FEM1B: variants seen among roughly 807,000 people sequenced by gnomAD.
The protein encoded by FEM1B is protein fem-1 homolog B.
In FEM1B, 10 loss-of-function variants were observed where a neutral mutation model predicts 38.6. The observed-to-expected ratio is 0.26, with a 90% CI of 0.16 to 0.44. The LOEUF (loss-of-function observed/expected upper bound fraction) is 0.44, where lower values mean the gene tolerates loss of function less well. Among genes scored for constraint, FEM1B ranks in the 20% least tolerant of loss-of-function variants. The pLI is 1.00. For synonymous variants in FEM1B, 288 were observed against 288.0 expected (o/e 1.00, Z 0.00); for missense variants, 471 against 786.7 (o/e 0.60, Z 4.80).
chr15:68,294,985 T>G lies in FEM1B; in HGVS notation c.*3743T>G, dbSNP rs1453860474. ...TATGTGTTTATCACATTGCAGGGCTTTCTTATGTATTTCTGGCAGACTTGC... is the reference window on the plus strand; with the variant it reads ...TATGTGTTTATCACATTGCAGGGCTGTCTTATGTATTTCTGGCAGACTTGC... On this transcript the variant is annotated 3_prime_UTR_variant, in exon 2 of 2. Transcript: ENST00000306917. This position sits in a 1 kb window ranked among gnomAD's most constrained non-coding sequence, Gnocchi z 4.4. The G allele has an allele frequency of 6.6e-6, 1 of 152,214 alleles. No individual in the cohort carries two copies. Among genetic ancestry groups the G allele is most frequent in the Non-Finnish European group, 1.5e-5 (1 of 68,034 alleles). The allele number at this position is 152,214 out of a possible 1,614,324, so 9.4% of individuals were successfully genotyped here.
rs556593620 is a variant in FEM1B, at chr15:68,288,109, C to T, written c.249-1498C>T. ...CCTCCCAAAGTACTGAGATGATAGG[C>T]GTGAGCCACCATGCCAGGCCTAACG... On this transcript the variant is annotated intron_variant, in intron 1 of 1. Transcript: ENST00000306917. The surrounding 1 kb of genome is among the most constrained non-coding windows in gnomAD (Gnocchi z 4.6). Among the ~76,000 whole-genome samples, 7 of 152,324 alleles carry T rather than the reference C, an allele frequency of 4.6e-5. No individual in the cohort carries two copies. The highest frequency in any genetic ancestry group is 1.7e-4 in the African/African-American group (7 of 41,572).
At position 68,293,305 on chromosome 15, in the gene FEM1B, A is replaced by G. The variant is rs1274887791; in HGVS notation, c.*2063A>G. 1.3e-5 allele frequency: 2 copies of G among 152,210 alleles called. No individual in the cohort carries two copies. The highest frequency in any genetic ancestry group is 2.9e-5 in the Non-Finnish European group (2 of 68,020). The allele number at this position is 152,210 out of a possible 1,614,324, so 9.4% of individuals were successfully genotyped here. The stretch of plus-strand genomic sequence containing the variant: ...ATTCAGTTGGTTCCATTATTAATGT[A>G]TATTATTTTTATTTAAACATCAAAA... On this transcript the variant is annotated 3_prime_UTR_variant, in exon 2 of 2. Coordinates refer to ENST00000306917, the MANE Select transcript of FEM1B (RefSeq NM_015322.5). The surrounding 1 kb of genome is among the most constrained non-coding windows in gnomAD (Gnocchi z 5.8).
At position 68,294,209 on chromosome 15, in the gene FEM1B, A is replaced by G. The variant is rs1892878635; in HGVS notation, c.*2967A>G. 6.6e-6 allele frequency: 1 copy of G among 151,962 alleles called. No homozygotes were observed. Among genetic ancestry groups the G allele is most frequent in the Non-Finnish European group, 1.5e-5 (1 of 68,026 alleles). 9.4% of individuals were successfully genotyped at this position (151,962 alleles called of 1,614,324 possible). On this transcript the variant is annotated 3_prime_UTR_variant, in exon 2 of 2. Transcript: ENST00000306917. This position sits in a 1 kb window ranked among gnomAD's most constrained non-coding sequence, Gnocchi z 4.4. ...TTACATTAGAACTGACACTGAAAACATAGCTTTTTCAGTCCACCCTGGTTG... is the reference window on the plus strand; with the variant it reads ...TTACATTAGAACTGACACTGAAAACGTAGCTTTTTCAGTCCACCCTGGTTG...
Position 68,290,058 on chromosome 15 carries a change from G to A in FEM1B, c.700G>A (p.Val234Ile). ...KVAAESCKAD[V>I]VELLLSHADC... ...AGCTGCCGAAAGCTGTAAAGCTGAT[G>A]TCGTAGAACTGTTACTCTCTCATGC... is the stretch of plus-strand genomic sequence containing the variant. Residue 234 changes from valine (V) to isoleucine (I), a missense_variant, in exon 2 of 2, where the codon GTC becomes ATC. This residue lies in a region of FEM1B where 380 missense variants were observed against 599.6 expected (regional missense o/e 0.63). Transcript: ENST00000306917. This position sits in a 1 kb window ranked among gnomAD's most constrained non-coding sequence, Gnocchi z 9.7. 6.2e-7 allele frequency: 1 copy of A among 1,614,236 alleles called. No homozygotes were observed. Among genetic ancestry groups the A allele is most frequent in the South Asian group, 1.1e-5 (1 of 91,088 alleles).
In FEM1B at chr15:68,290,244, C is replaced by T; in HGVS notation, c.886C>T (p.Leu296Phe). ...TGATAACATTCTCGAAAAAGAGGTT[C>T]TTCCACCAATCCATGCTTATGGGAA... The part of the protein sequence containing the change: ...DGDNILEKEV[L>F]PPIHAYGNRT... The change falls in exon 2 of 2, where the codon CTT becomes TTT. Residue 296 changes from leucine to phenylalanine, a missense_variant. Physicochemically the swap from Leu to Phe is conservative, Grantham distance 22 (BLOSUM62 0). This residue lies in a region of FEM1B where 380 missense variants were observed against 599.6 expected (regional missense o/e 0.63). Coordinates refer to ENST00000306917, the MANE Select transcript of FEM1B (RefSeq NM_015322.5). This position sits in a 1 kb window ranked among gnomAD's most constrained non-coding sequence, Gnocchi z 9.7. 1.2e-6 allele frequency: 2 copies of T among 1,614,092 alleles called. No individual in the cohort carries two copies. Among genetic ancestry groups the T allele is most frequent in the Non-Finnish European group, 1.7e-6 (2 of 1,180,030 alleles).
At chr15:68,287,830 C>CTTTTTT (rs71455589) in intron 1 of FEM1B, among the ~76,000 whole-genome samples, 2 of 114,678 alleles carry the variant, frequency 1.7e-5, no homozygotes, top group Non-Finnish European at 1.8e-5. Context: ...GCTAACGTCT[C>CTTTTTT]TTTTTTTTTT....
intron 1 of FEM1B, among the ~76,000 whole-genome samples, chr15:68,283,359 A>G (rs1892748194): frequency 6.6e-6 from 1 of 151,980 alleles, no homozygotes; most frequent in South Asian, 2.1e-4. Flanking sequence ...CTGGCATATA[A>G]TAATTATATG....
At chr15:68,282,223 T>C (rs980323932) in intron 1 of FEM1B, among the ~76,000 whole-genome samples, 24 of 151,872 alleles carry the variant, frequency 1.6e-4, no homozygotes, top group Non-Finnish European at 7.4e-5. Context: ...ATGGGGAGAA[T>C]AGGACCTCCG....
Position 68,278,555 on chromosome 15 carries a change from C to T in FEM1B, c.138C>T (p.Arg46=), listed in dbSNP as rs764711464. Residue 46 remains arginine (R), a synonymous_variant, in exon 1 of 2, where the codon CGC becomes CGT. Transcript: ENST00000306917. The surrounding 1 kb of genome is among the most constrained non-coding windows in gnomAD (Gnocchi z 5.7). The stretch of plus-strand genomic sequence containing the variant: ...ATGTCAGCCAGCAGGGAGGGCAGCG[C>T]TCCACGCCCCTCATCATCGCAGCCC... ...LGYVSQQGGQ[R]STPLIIAARN... is the part of the protein sequence containing the mutation. The T allele has an allele frequency of 5.0e-6, 8 of 1,614,036 alleles. No individual in the cohort carries two copies. The African/African-American group carries it at 5.3e-5, about 11-fold the overall frequency.
rs1406014524 is a variant in FEM1B at position 68,284,079 on chromosome 15, T to A, written c.248+5414T>A. 1.3e-5 allele frequency among the ~76,000 whole-genome samples: 2 copies of A among 152,022 alleles called. No homozygotes were observed. The highest frequency in any genetic ancestry group is 6.6e-5 in the Admixed American group (1 of 15,250). On this transcript the variant is annotated intron_variant, in intron 1 of 1. Coordinates refer to ENST00000306917, the MANE Select transcript of FEM1B (RefSeq NM_015322.5). The surrounding 1 kb of genome is among the most constrained non-coding windows in gnomAD (Gnocchi z 4.4). Reference sequence around the variant, plus strand: ...TTTGTATTTTTAGTAGAGATGGGGTTTTTCCGTGTTGGTCAGGCTGGTCTT... The same window carrying A: ...TTTGTATTTTTAGTAGAGATGGGGTATTTCCGTGTTGGTCAGGCTGGTCTT...
rs1162404310 is a variant in FEM1B at position 68,278,907 on chromosome 15, C to A, written c.248+242C>A. On this transcript the variant is annotated intron_variant, in intron 1 of 1. Coordinates refer to ENST00000306917, the MANE Select transcript of FEM1B (RefSeq NM_015322.5). This position sits in a 1 kb window ranked among gnomAD's most constrained non-coding sequence, Gnocchi z 5.7. ...TCCCTCTGTGGGAAGATAACCACAC[C>A]CTCGGCCTTGAAATCTAATAGTCGT... is the stretch of plus-strand genomic sequence containing the variant. 6.6e-6 allele frequency among the ~76,000 whole-genome samples: 1 copy of A among 152,128 alleles called. No homozygotes were observed. Among genetic ancestry groups the A allele is most frequent in the Non-Finnish European group, 1.5e-5 (1 of 68,014 alleles).
At chr15:68,286,877 C>T (rs557412210) in intron 1 of FEM1B, among the ~76,000 whole-genome samples, 77 of 152,280 alleles carry the variant, frequency 5.1e-4, no homozygotes, top group African/African-American at 1.8e-3. Flanking sequence ...GATGTAGTGT[C>T]TTATTTTCTT....
At chr15:68,283,776 G>A (rs7174848) in intron 1 of FEM1B, among the ~76,000 whole-genome samples, 1,684 of 151,958 alleles carry the variant, frequency 0.011, 40 homozygotes, top group African/African-American at 0.039. Flanking sequence ...GTTTGGAAAC[G>A]TTCTTTAAAT....
Position 68,293,897 on chromosome 15 carries a change from T to C in FEM1B, c.*2655T>C, listed in dbSNP as rs1226475248. ...GGCTGTCTCCATTTTGCAGCCACTT[T>C]GGTCATTTGATGTTTACTATTGGTA... On this transcript the variant is annotated 3_prime_UTR_variant, in exon 2 of 2. Transcript: ENST00000306917. This position sits in a 1 kb window ranked among gnomAD's most constrained non-coding sequence, Gnocchi z 5.8. 1.3e-5 allele frequency: 2 copies of C among 152,178 alleles called. No homozygotes were observed. The highest frequency in any genetic ancestry group is 3.8e-4 in the East Asian group (2 of 5,202). The allele number at this position is 152,178 out of a possible 1,614,324, so 9.4% of individuals were successfully genotyped here.
At chr15:68,286,365 CAGTT>C (rs1301681900) in intron 1 of FEM1B, among the ~76,000 whole-genome samples, 2 of 151,740 alleles carry the variant, frequency 1.3e-5, no homozygotes, top group Admixed American at 6.6e-5. Context: ...ATTGGCCTGT[CAGTT>C]CTTTCTTTCT....
intron 1 of FEM1B, among the ~76,000 whole-genome samples, chr15:68,282,262 G>T (rs1276368687): frequency 6.9e-6 from 1 of 145,528 alleles, no homozygotes; most frequent in Non-Finnish European, 1.5e-5. Context: ...GTTGAGTGTT[G>T]TTCTTTTAAA....
In FEM1B at chr15:68,290,061, G is replaced by A. The variant is rs1362394606; in HGVS notation, c.703G>A (p.Val235Ile). Residue 235 changes from valine to isoleucine, a missense_variant, in exon 2 of 2, where the codon GTA becomes ATA. Around this residue, in one of 3 missense-constraint regions of FEM1B, gnomAD observed 380 missense variants for 599.6 expected, o/e 0.63. Transcript: ENST00000306917. The surrounding 1 kb of genome is among the most constrained non-coding windows in gnomAD (Gnocchi z 9.7). ...VAAESCKADVVELLLSHADCD... is the reference protein window; with the variant it reads ...VAAESCKADVIELLLSHADCD... ...TGCCGAAAGCTGTAAAGCTGATGTC[G>A]TAGAACTGTTACTCTCTCATGCTGA... The A allele has an allele frequency of 2.5e-6, 4 of 1,614,214 alleles. No individual in the cohort carries two copies. The highest frequency in any genetic ancestry group is 3.4e-6 in the Non-Finnish European group (4 of 1,180,030).
At chr15:68,287,402 C>T (rs551926593) in intron 1 of FEM1B, among the ~76,000 whole-genome samples, 1 of 152,264 alleles carries the variant, frequency 6.6e-6, no homozygotes, top group Admixed American at 6.5e-5. Flanking sequence ...TTTCCAGTAC[C>T]TTCAAGTCTC....
chr15:68,289,799 C>G lies in FEM1B; in HGVS notation c.441C>G (p.Ile147Met), dbSNP rs1421950274. ...ACTTGGTTGAAAATAATGCCAACAT[C>G]AGCATTGCCAACAAATATGACAACA... ...VKYLVENNAN[I>M]SIANKYDNTC... The change falls in exon 2 of 2, where the codon ATC becomes ATG. Residue 147 changes from isoleucine (I) to methionine (M), a missense_variant. Ile to Met is a conservative substitution (Grantham distance 10). Transcript: ENST00000306917. The surrounding 1 kb of genome is among the most constrained non-coding windows in gnomAD (Gnocchi z 6.9). 1 of 1,614,022 alleles carries G rather than the reference C, an allele frequency of 6.2e-7. No individual in the cohort carries two copies. The highest frequency in any genetic ancestry group is 8.5e-7 in the Non-Finnish European group (1 of 1,179,990).
Sources: gnomAD v4.1 joint callset for allele counts (sites outside exome capture counted in the v4.1 genomes callset) on GRCh38, gnomAD v4.1.1 for gene constraint, gnomAD v4.1.1 regional missense constraint, Gnocchi (gnomAD v3.1) non-coding constraint, MANE v1.5 for transcripts, NCBI Gene and HGNC (gene_info 2026-07-23, HGNC 2026-07-21) for gene names.